Variants in SREK1 observed in about 807,000 individuals in gnomAD.
SREK1 encodes splicing regulatory glutamine/lysine-rich protein 1.
SREK1 carries 13 observed loss-of-function variants against 66.5 expected under a neutral mutation model. The ratio of observed to expected loss-of-function variants is 0.20; its 90% CI spans 0.13 to 0.31. The LOEUF (loss-of-function observed/expected upper bound fraction) is 0.31, where lower values mean the gene tolerates loss of function less well. Among genes scored for constraint, SREK1 ranks in the 10% least tolerant of loss-of-function variants. SREK1 has a pLI of 1.00. For synonymous variants in SREK1, 265 were observed against 263.5 expected, an observed-to-expected ratio of 1.01 and a Z score of -0.05; for missense variants, 607 against 769.6, an observed-to-expected ratio of 0.79 and a Z score of 2.50.
intron 1 of SREK1, among the ~76,000 whole-genome samples, chr5:66,150,868 T>C (rs1208678053): frequency 6.6e-6 from 1 of 152,108 alleles, no homozygotes; most frequent in Non-Finnish European, 1.5e-5. Context: ...TGAGACACAG[T>C]CTCACTCTCT....
chr5:66,176,594 G>C (rs1746072726), intron 10 of SREK1, among the ~76,000 whole-genome samples: 1 of 152,118 alleles, frequency 6.6e-6, no homozygotes, highest in Non-Finnish European at 1.5e-5. Flanking sequence ...TATCTGATGA[G>C]ATCGGGCATG....
chr5:66,156,531 A>T, intron 2 of SREK1: 1 of 987,406 alleles, frequency 1.0e-6, no homozygotes, highest in African/African-American at 1.7e-5. Context: ...TAAAACACTG[A>T]TAAGTATCTC....
intron 2 of SREK1, chr5:66,156,503 A>G (rs1744297107): frequency 2.0e-6 from 2 of 993,362 alleles, no homozygotes; most frequent in Admixed American, 6.0e-5. Flanking sequence ...CATAAGGTAC[A>G]TTTTATTCTT....
At chr5:66,149,949 T>C (rs112404253) in intron 1 of SREK1, among the ~76,000 whole-genome samples, 1,903 of 152,352 alleles carry the variant, frequency 0.012, 41 homozygotes, top group African/African-American at 0.043. Context: ...GACTATCTGC[T>C]TCTTTCTCTG....
At chr5:66,169,922 A>G in intron 7 of SREK1, 129 bp from the exon 8 acceptor site, 2 of 639,452 alleles carry the variant, frequency 3.1e-6, no homozygotes, top group Non-Finnish European at 4.8e-6. Context: ...ATTTCAGATT[A>G]TGTAACTAAA....
At chr5:66,146,628 C>G (rs148838989) in intron 1 of SREK1, among the ~76,000 whole-genome samples, 1 of 151,006 alleles carries the variant, frequency 6.6e-6, no homozygotes, top group African/African-American at 2.4e-5. Context: ...TGTTTTGCAG[C>G]AATACTGACA....
chr5:66,177,469 C>A (rs1044811527), intron 10 of SREK1, 45 bp from the exon 11 acceptor site: 84 of 1,430,056 alleles, frequency 5.9e-5, no homozygotes, highest in Non-Finnish European at 7.7e-5. Context: ...TATAATAGAT[C>A]TTACAATTTC....
intron 3 of SREK1, 93 bp downstream of exon 3, chr5:66,159,427 CTTCT>C (rs377528529): frequency 0.01 from 8,762 of 866,232 alleles, 3 homozygotes; most frequent in East Asian, 0.031. Context: ...TTTGGATCTT[CTTCT>C]TTTTTTTTTT....
Position 66,180,274 on chromosome 5 carries a change from G to A in SREK1, c.*1406G>A, listed in dbSNP as rs1176356757. The A allele has an allele frequency of 2.0e-5, 3 of 152,466 alleles. No homozygotes were observed. Among genetic ancestry groups the A allele is most frequent in the Non-Finnish European group, 4.4e-5 (3 of 67,964 alleles). 9.4% of individuals were successfully genotyped at this position (152,466 alleles called of 1,614,324 possible). A position where few individuals can be genotyped will look rare whatever the true frequency, so the allele number is the denominator to read the frequency against. On this transcript the variant is annotated 3_prime_UTR_variant, in exon 12 of 12. Coordinates refer to ENST00000334121, the MANE Select transcript of SREK1 (RefSeq NM_001077199.3). ...TTTTTCCCCAGTACTATAACTTGTG[G>A]TTTCTGAACTCATTATTGTTGTATT...
In SREK1 at chr5:66,179,941, A is replaced by T. The variant is rs1746373227; in HGVS notation, c.*1073A>T. On this transcript the variant is annotated 3_prime_UTR_variant, in exon 12 of 12. Transcript: ENST00000334121. The stretch of plus-strand genomic sequence containing the variant: ...AGGAAGTCCTGTTTTCAAGAATGAC[A>T]TTAGAGTCATGCAGCTTTGGGACCA... 6.6e-6 allele frequency: 1 copy of T among 152,582 alleles called. No individual in the cohort carries two copies. Among genetic ancestry groups the T allele is most frequent in the Non-Finnish European group, 1.5e-5 (1 of 67,996 alleles). 9.5% of individuals were successfully genotyped at this position (152,582 alleles called of 1,614,324 possible). A position where few individuals can be genotyped will look rare whatever the true frequency, so the allele number is the denominator to read the frequency against.
At chr5:66,161,998 T>G in intron 3 of SREK1, 111 bp from the exon 4 acceptor site, 3 of 1,282,274 alleles carry the variant, frequency 2.3e-6, no homozygotes, top group Middle Eastern at 2.0e-4. Context: ...GAGTCCCTAG[T>G]CTCCTTTCAT....
chr5:66,155,373 T>C (rs1296430924), intron 2 of SREK1, among the ~76,000 whole-genome samples: 6 of 152,370 alleles, frequency 3.9e-5, no homozygotes, highest in Non-Finnish European at 8.8e-5. Flanking sequence ...CATTCAGATA[T>C]ACGTTTTTCA....
At chr5:66,153,042 T>C (rs150535723) in intron 1 of SREK1, among the ~76,000 whole-genome samples, 28 of 152,342 alleles carry the variant, frequency 1.8e-4, no homozygotes, top group East Asian at 9.6e-4. Context: ...TGAAGTTTTT[T>C]AGTGATGTAA....
At chr5:66,170,322 T>A (rs1260738510) in intron 8 of SREK1, 152 bp downstream of exon 8, 1 of 1,187,510 alleles carries the variant, frequency 8.4e-7, no homozygotes, top group Non-Finnish European at 1.2e-6. Context: ...GTTTTAGTAA[T>A]CTAGGATTAA....
intron 9 of SREK1, among the ~76,000 whole-genome samples, chr5:66,172,479 T>TC (rs2112087409): frequency 6.6e-6 from 1 of 152,236 alleles, no homozygotes; most frequent in Admixed American, 6.5e-5. Flanking sequence ...CACTGCAACC[T>TC]CCCCCTCCTC....
In SREK1 at chr5:66,178,934, A is replaced by G. The variant is rs1319426150; in HGVS notation, c.*66A>G. On this transcript the variant is annotated 3_prime_UTR_variant, in exon 12 of 12. Coordinates refer to ENST00000334121, the MANE Select transcript of SREK1 (RefSeq NM_001077199.3). ...TCCAAAGCTTTTAATTCTCTCAACA[A>G]GATGTAAACAGGAAAGAAATCTAGT... 13 of 1,427,000 alleles carry G rather than the reference A, an allele frequency of 9.1e-6. No individual in the cohort carries two copies. Among genetic ancestry groups the G allele is most frequent in the South Asian group, 1.8e-5 (1 of 55,838 alleles). 88.4% of individuals were successfully genotyped at this position (1,427,000 alleles called of 1,614,324 possible). A position where few individuals can be genotyped will look rare whatever the true frequency, so the allele number is the denominator to read the frequency against.
In SREK1 at chr5:66,178,880, G is replaced by A; in HGVS notation, c.*12G>A. 2 of 1,601,428 alleles carry A rather than the reference G, an allele frequency of 1.2e-6. No individual in the cohort carries two copies. The highest frequency in any genetic ancestry group is 2.2e-5 in the South Asian group (2 of 89,338). ...CAGAAGCAGTATAGGACCGACAAGT[G>A]TACCTCTGCACTCAATGCTGGAATC... On this transcript the variant is annotated 3_prime_UTR_variant, in exon 12 of 12. Coordinates refer to ENST00000334121, the MANE Select transcript of SREK1 (RefSeq NM_001077199.3).
chr5:66,183,472 G>C lies in SREK1; in HGVS notation c.*4604G>C, dbSNP rs1746660671. The C allele has an allele frequency of 1.3e-5, 2 of 152,136 alleles. No homozygotes were observed. The highest frequency in any genetic ancestry group is 4.8e-5 in the African/African-American group (2 of 41,424). 9.4% of individuals were successfully genotyped at this position (152,136 alleles called of 1,614,324 possible). ...ACAGTGTTAGATTATCAAGGGAAGA[G>C]TTTGGAATGTAAACATAAACATGCT... is the stretch of plus-strand genomic sequence containing the variant. On this transcript the variant is annotated 3_prime_UTR_variant, in exon 12 of 12. Transcript: ENST00000334121.
Position 66,158,091 on chromosome 5 carries a change from A to C in SREK1, c.296-1128A>C, listed in dbSNP as rs553097448. The C allele has an allele frequency of 4.0e-5, 6 of 151,054 alleles. No individual in the cohort carries two copies. In the South Asian group the frequency reaches 1.3e-3, roughly 32 times the overall value. 9.4% of individuals were successfully genotyped at this position (151,054 alleles called of 1,614,324 possible). A position where few individuals can be genotyped will look rare whatever the true frequency, so the allele number is the denominator to read the frequency against. ...TGAGTGTTCTTCTAAATATATCCAC[A>C]TGTAGTCAACTATTTAAGAATTTTT... On this transcript the variant is annotated intron_variant, in intron 2 of 11. Coordinates refer to ENST00000334121, the MANE Select transcript of SREK1 (RefSeq NM_001077199.3).
Sources: allele counts gnomAD v4.1 joint callset (sites outside exome capture counted in the v4.1 genomes callset), GRCh38; gene constraint gnomAD v4.1.1; transcripts MANE v1.5; gene names NCBI Gene and HGNC (gene_info 2026-07-23, HGNC 2026-07-21).